JMJD1C: variants seen among roughly 807,000 people sequenced by gnomAD.
JMJD1C encodes the protein jumonji domain-containing protein 1C.
In JMJD1C, 31 loss-of-function variants were observed where a neutral mutation model predicts 245.3. That is an observed-to-expected ratio of 0.13 (90% CI 0.09 to 0.17). JMJD1C has a LOEUF of 0.17. JMJD1C is among the 10% of genes least tolerant of loss of function. JMJD1C has a pLI of 1.00. For missense variants in JMJD1C, 2,691 were observed against 3,000.2 expected, an observed-to-expected ratio of 0.90 and a Z score of 2.41; for synonymous variants, 1,057 against 1,017.4, an observed-to-expected ratio of 1.04 and a Z score of -0.74.
intron 2 of JMJD1C, among the ~76,000 whole-genome samples, chr10:63,371,742 G>A (rs1431936601): frequency 6.6e-6 from 1 of 152,070 alleles, no homozygotes; most frequent in South Asian, 2.1e-4. Context: ...GTGTGAACTC[G>A]TTCATTGCAA....
At chr10:63,250,574 T>C (rs1198074713) in intron 3 of JMJD1C, among the ~76,000 whole-genome samples, 1 of 152,088 alleles carries the variant, frequency 6.6e-6, no homozygotes, top group African/African-American at 2.4e-5. Flanking sequence ...CTGATATATA[T>C]GCAATAAATA....
chr10:63,211,239 C>A (rs1366655634), intron 8 of JMJD1C, among the ~76,000 whole-genome samples: 1 of 151,980 alleles, frequency 6.6e-6, no homozygotes. Flanking sequence ...CCGAGACAGG[C>A]GGATCACTTG....
At chr10:63,500,023 A>AC (rs1439414561) in intron 1 of JMJD1C, among the ~76,000 whole-genome samples, 6 of 152,340 alleles carry the variant, frequency 3.9e-5, no homozygotes, top group African/African-American at 1.4e-4. Context: ...ATCAGCCTTG[A>AC]ATTAGTCATA....
At chr10:63,173,831 G>GA (rs1391508371) in intron 24 of JMJD1C, among the ~76,000 whole-genome samples, 12 of 121,046 alleles carry the variant, frequency 9.9e-5, no homozygotes, top group African/African-American at 3.3e-4. Context: ...TCAGAAATTG[G>GA]CAAAAAACAC....
chr10:63,417,282 C>T (rs374451869), intron 1 of JMJD1C, among the ~76,000 whole-genome samples: 2 of 152,128 alleles, frequency 1.3e-5, no homozygotes, highest in Admixed American at 6.5e-5. Context: ...ACATAGATGA[C>T]GTACTACTAT....
chr10:63,496,074 T>G (rs977784986), intron 1 of JMJD1C, among the ~76,000 whole-genome samples: 1 of 139,356 alleles, frequency 7.2e-6, no homozygotes, highest in South Asian at 2.3e-4. Context: ...ACCTCAAACC[T>G]AAATATGATC....
At chr10:63,286,187 C>T (rs138279854) in intron 2 of JMJD1C, among the ~76,000 whole-genome samples, 12 of 152,258 alleles carry the variant, frequency 7.9e-5, no homozygotes, top group East Asian at 3.9e-4. Context: ...AAGAATCTGA[C>T]GAAAGCTGTA....
At chr10:63,255,196 C>T (rs1008451652) in intron 3 of JMJD1C, among the ~76,000 whole-genome samples, 6 of 152,182 alleles carry the variant, frequency 3.9e-5, no homozygotes, top group African/African-American at 1.2e-4. Flanking sequence ...TGCCAAGTCA[C>T]AGCTGAGCTA....
At chr10:63,204,075 T>C (rs758158738) in intron 10 of JMJD1C, 5 of 884,688 alleles carry the variant, frequency 5.7e-6, no homozygotes, top group Non-Finnish European at 6.8e-6. Flanking sequence ...TGGTTACACC[T>C]GTGAATATCC....
chr10:63,258,271 T>C (rs1345247676), intron 3 of JMJD1C, among the ~76,000 whole-genome samples: 1 of 152,236 alleles, frequency 6.6e-6, no homozygotes, highest in African/African-American at 2.4e-5. Context: ...AAGGTAAAAT[T>C]TGAAACTAAG....
At chr10:63,198,492 T>C (rs368010234) in intron 12 of JMJD1C, 21 bp downstream of exon 12, 190 of 1,417,792 alleles carry the variant, frequency 1.3e-4, no homozygotes, top group Non-Finnish European at 1.8e-4. Context: ...GTGCAGTTCA[T>C]GTTATATTTA....
At chr10:63,467,169 G>T (rs1361131462), upstream of JMJD1C, among the ~76,000 whole-genome samples, 5 of 152,160 alleles carry the variant, frequency 3.3e-5, no homozygotes, top group Non-Finnish European at 7.3e-5. Flanking sequence ...AAGGAAGATG[G>T]ATTTTAATAA....
intron 10 of JMJD1C, chr10:63,202,962 G>T: frequency 1.0e-6 from 1 of 983,756 alleles, no homozygotes; most frequent in Non-Finnish European, 1.2e-6. Context: ...CCAGATAATG[G>T]AACAGTTCAG....
At chr10:63,412,880 T>C (rs534126549) in intron 1 of JMJD1C, among the ~76,000 whole-genome samples, 1 of 152,350 alleles carries the variant, frequency 6.6e-6, no homozygotes, top group South Asian at 2.1e-4. Flanking sequence ...TATTTTGCAA[T>C]ATATTTATTT....
intron 1 of JMJD1C, among the ~76,000 whole-genome samples, chr10:63,510,368 G>C (rs188632658): frequency 6.6e-6 from 1 of 152,032 alleles, no homozygotes; most frequent in Non-Finnish European, 1.5e-5. Context: ...CTAAGCTCTG[G>C]TTTCACTACA....
chr10:63,254,447 A>C (rs1386542510), intron 3 of JMJD1C, among the ~76,000 whole-genome samples: 1 of 152,194 alleles, frequency 6.6e-6, no homozygotes, highest in Non-Finnish European at 1.5e-5. Context: ...TGCCACACAA[A>C]AGAGAATGAT....
At chr10:63,423,182 C>T (rs1045535476) in intron 1 of JMJD1C, among the ~76,000 whole-genome samples, 1 of 152,112 alleles carries the variant, frequency 6.6e-6, no homozygotes, top group Non-Finnish European at 1.5e-5. Flanking sequence ...CCAGGCTGTT[C>T]TTAAACTCCT....
chr10:63,203,122 C>T, intron 10 of JMJD1C: 1 of 984,932 alleles, frequency 1.0e-6, no homozygotes, highest in Non-Finnish European at 1.2e-6. Flanking sequence ...GACATTAAGG[C>T]CCAATTCATA....
chr10:63,207,644 C>T lies in JMJD1C; in HGVS notation c.4025G>A (p.Cys1342Tyr). 6.2e-7 allele frequency: 1 copy of T among 1,614,076 alleles called. No homozygotes were observed. Among genetic ancestry groups the T allele is most frequent in the South Asian group, 1.1e-5 (1 of 91,070 alleles). Residue 1342 changes from cysteine (C) to tyrosine (Y), a missense_variant, in exon 10 of 26, where the codon TGC (cysteine) becomes TAC (tyrosine). Cys to Tyr is a radical substitution (Grantham distance 194). Coordinates refer to ENST00000399262, the MANE Select transcript of JMJD1C (RefSeq NM_032776.3). ...TTCTCCGGCTTCTGCTAGTTTGAGG[C>T]AATCTGTTTTATGTGCCCCAGCTGA... is the stretch of plus-strand genomic sequence containing the variant. ...RSSAGAHKTD[C>Y]LKLAEAGETG...
Sources: allele counts gnomAD v4.1 joint callset (sites outside exome capture counted in the v4.1 genomes callset), GRCh38; gene constraint gnomAD v4.1.1; transcripts MANE v1.5; gene names NCBI Gene and HGNC (gene_info 2026-07-23, HGNC 2026-07-21).